The following COL6A6 variants were observed in gnomAD, a reference collection of about 807,000 sequenced individuals.
The protein encoded by COL6A6 is collagen type VI alpha 6 chain, also known as collagen alpha-6(VI) chain.
A neutral mutation model predicts 208.6 loss-of-function variants in COL6A6; 183 were observed. The ratio of observed to expected loss-of-function variants is 0.88; its 90% CI spans 0.78 to 0.99. COL6A6 has a LOEUF of 0.99. COL6A6 is among the 50% of genes least tolerant of loss of function. The probability of loss-of-function intolerance (pLI) is 0.00; values close to 1 mark genes in which losing one functional copy is unlikely to be tolerated. For synonymous variants in COL6A6, 973 were observed against 1,011.8 expected (o/e 0.96, Z 0.73); for missense variants, 2,816 against 2,815.2 (o/e 1.00, Z -0.01).
At chr3:130,527,790 A>G (rs369178969) in intron 1 of COL6A6, among the ~76,000 whole-genome samples, 2 of 151,938 alleles carry the variant, frequency 1.3e-5, no homozygotes, top group East Asian at 1.9e-4. Context: ...AACCTGACCT[A>G]GCTGCTTATC....
intron 4 of COL6A6, 112 bp from the exon 5 acceptor site, chr3:130,566,590 G>C: frequency 1.2e-6 from 1 of 836,732 alleles, no homozygotes; most frequent in Non-Finnish European, 1.8e-6. Flanking sequence ...CCTAGAAGCT[G>C]TTTCCCATTT....
chr3:130,636,044 C>CA (rs900350019), intron 28 of COL6A6, among the ~76,000 whole-genome samples: 1 of 152,186 alleles, frequency 6.6e-6, no homozygotes, highest in Non-Finnish European at 1.5e-5. Flanking sequence ...CCTTGTGATT[C>CA]AAAACAGCTT....
At position 130,671,381 on chromosome 3, in the gene COL6A6, C is replaced by T. The variant is rs138067466; in HGVS notation, c.6597-3821C>T. 2.4e-3 allele frequency among the ~76,000 whole-genome samples: 366 copies of T among 152,324 alleles called. 1 individual carries two copies. Among genetic ancestry groups the T allele is most frequent in the African/African-American group, 7.6e-3 (317 of 41,572 alleles). On this transcript the variant is annotated intron_variant, in intron 36 of 36. Coordinates refer to ENST00000358511, the MANE Select transcript of COL6A6 (RefSeq NM_001102608.3). ...TTGGACAGGAAGTTTCTTCCTCTTT[C>T]GTCACACTGCCCCAGATTCACTGGA...
intron 25 of COL6A6, 86 bp downstream of exon 25, chr3:130,626,633 TA>T: frequency 1.1e-6 from 1 of 913,590 alleles, no homozygotes; most frequent in Non-Finnish European, 1.8e-6. Flanking sequence ...AAGAGAGTTT[TA>T]AGGATACAAT....
At position 130,634,242 on chromosome 3, in the gene COL6A6, TAAAAAAAAA is replaced by T. The variant is rs202193097; in HGVS notation, c.4993-332_4993-324del. On this transcript the variant is annotated intron_variant, in intron 26 of 36. Coordinates refer to ENST00000358511, the MANE Select transcript of COL6A6 (RefSeq NM_001102608.3). ...ATAAATAAATAAATAAATAAATAAA[TAAAAAAAAA>T]AAAAAAAAAAAAAAAGATCGTGTCA... Among the ~76,000 whole-genome samples, 7 of 23,794 alleles carry T rather than the reference TAAAAAAAAA, an allele frequency of 2.9e-4. No homozygotes were observed. The East Asian group carries it at 5.1e-3, about 17-fold the overall frequency. 15.6% of individuals were successfully genotyped at this position (23,794 alleles called of 152,430 possible).
intron 1 of COL6A6, among the ~76,000 whole-genome samples, chr3:130,522,971 C>T (rs1219267359): frequency 6.6e-6 from 1 of 151,690 alleles, no homozygotes; most frequent in Admixed American, 6.6e-5. Flanking sequence ...CTGAAAACAT[C>T]TGCTCACACT....
At chr3:130,581,968 C>CT (rs1231693838) in intron 9 of COL6A6, 22 bp from the exon 10 acceptor site, 4 of 1,598,886 alleles carry the variant, frequency 2.5e-6, no homozygotes, top group African/African-American at 2.7e-5. Context: ...ATTCATTTTA[C>CT]TTTTTTTGAA....
At chr3:130,551,561 G>A (rs904580179) in intron 1 of COL6A6, among the ~76,000 whole-genome samples, 1 of 149,492 alleles carries the variant, frequency 6.7e-6, no homozygotes, top group African/African-American at 2.5e-5. Flanking sequence ...CTTGTTTTCT[G>A]TATTAGTCTA....
At chr3:130,583,809 G>C (rs958281040) in intron 10 of COL6A6, among the ~76,000 whole-genome samples, 6 of 152,076 alleles carry the variant, frequency 3.9e-5, no homozygotes, top group African/African-American at 1.2e-4. Flanking sequence ...GTGGTTTTCT[G>C]TATGGACAAG....
At chr3:130,605,542 C>T (rs1408585850) in intron 20 of COL6A6, among the ~76,000 whole-genome samples, 1 of 152,028 alleles carries the variant, frequency 6.6e-6, no homozygotes, top group Admixed American at 6.5e-5. Context: ...CAGACAAACC[C>T]ATGTGCTGAA....
At chr3:130,644,161 A>G (rs2108377006) in intron 31 of COL6A6, among the ~76,000 whole-genome samples, 1 of 152,346 alleles carries the variant, frequency 6.6e-6, no homozygotes, top group East Asian at 1.9e-4. Context: ...ATAACCATTA[A>G]CTTTTGCATA....
chr3:130,622,994 A>C (rs2064781780), intron 24 of COL6A6, among the ~76,000 whole-genome samples: 1 of 152,100 alleles, frequency 6.6e-6, no homozygotes, highest in Non-Finnish European at 1.5e-5. Flanking sequence ...AGAGAAGAGG[A>C]GGTATCTAGG....
chr3:130,578,663 A>G (rs983577324), intron 8 of COL6A6, among the ~76,000 whole-genome samples: 5 of 152,046 alleles, frequency 3.3e-5, no homozygotes, highest in South Asian at 2.1e-4. Flanking sequence ...CTCATAAGTC[A>G]GAGAGTTAAC....
chr3:130,568,173 A>T lies in COL6A6; in HGVS notation c.1970A>T (p.Asp657Val), dbSNP rs765672569. The T allele has an allele frequency of 1.7e-5, 27 of 1,614,060 alleles. No homozygotes were observed. Among genetic ancestry groups the T allele is most frequent in the South Asian group, 2.2e-5 (2 of 91,082 alleles). ...GTGAGCAAGTCTCAGATTGGACCAGATCGGGTGCAAATTGGTGTAGTCCAG... is the reference window on the plus strand; with the variant it reads ...GTGAGCAAGTCTCAGATTGGACCAGTTCGGGTGCAAATTGGTGTAGTCCAG... Reference protein sequence around the residue: ...NLVSKSQIGPDRVQIGVVQFS... With the variant: ...NLVSKSQIGPVRVQIGVVQFS... Residue 657 changes from aspartate (D) to valine (V), a missense_variant, in exon 6 of 37, where the codon GAT (aspartate) becomes GTT (valine). Asp to Val is a radical substitution (Grantham distance 152). Transcript: ENST00000358511.
chr3:130,555,040 G>A (rs551387149), intron 1 of COL6A6, among the ~76,000 whole-genome samples: 3 of 152,144 alleles, frequency 2.0e-5, no homozygotes, highest in Non-Finnish European at 4.4e-5. Context: ...CAATGTTGCC[G>A]TACTCTGTTC....
chr3:130,555,508 C>A (rs2062747798), intron 1 of COL6A6, among the ~76,000 whole-genome samples: 1 of 152,168 alleles, frequency 6.6e-6, no homozygotes, highest in Admixed American at 6.5e-5. Context: ...GCCATCTTGC[C>A]CCCTGTCCCT....
intron 1 of COL6A6, among the ~76,000 whole-genome samples, chr3:130,521,312 T>C (rs1329581178): frequency 1.3e-5 from 2 of 152,224 alleles, no homozygotes; most frequent in Non-Finnish European, 2.9e-5. Flanking sequence ...CATTATATGC[T>C]TCCAAATACA....
intron 1 of COL6A6, among the ~76,000 whole-genome samples, chr3:130,533,019 G>T (rs1214755364): frequency 2.6e-5 from 4 of 152,102 alleles, no homozygotes; most frequent in African/African-American, 9.7e-5. Flanking sequence ...CTACATGCCA[G>T]CTCCAAGGTT....
chr3:130,564,002 G>A (rs1290893346), intron 3 of COL6A6, among the ~76,000 whole-genome samples: 1 of 152,194 alleles, frequency 6.6e-6, no homozygotes, highest in Non-Finnish European at 1.5e-5. Context: ...CATTGAAAAG[G>A]TAAGTTTGCT....
Sources: gnomAD v4.1 joint callset for allele counts (sites outside exome capture counted in the v4.1 genomes callset) on GRCh38, gnomAD v4.1.1 for gene constraint, MANE v1.5 for transcripts, NCBI Gene and HGNC (gene_info 2026-07-23, HGNC 2026-07-21) for gene names.